Variants in RUFY3 observed in about 807,000 individuals in gnomAD.
RUFY3 encodes RUN and FYVE domain containing 3.
In RUFY3, 34 loss-of-function variants were observed where a neutral mutation model predicts 84.0. The observed-to-expected ratio is 0.40, with a 90% CI of 0.31 to 0.54. The LOEUF (loss-of-function observed/expected upper bound fraction) is 0.54. RUFY3 is among the 20% of genes least tolerant of loss of function. The probability of loss-of-function intolerance (pLI) is 0.39; values close to 1 mark genes in which losing one functional copy is unlikely to be tolerated. For synonymous variants in RUFY3, 242 were observed against 252.9 expected (o/e 0.96, Z 0.41); for missense variants, 507 against 736.8 (o/e 0.69, Z 3.61).
In RUFY3 at chr4:70,764,292, G is replaced by A. The variant is rs573564262; in HGVS notation, c.471-183G>A. 9.5e-4 allele frequency among the ~76,000 whole-genome samples: 144 copies of A among 152,266 alleles called. 1 individual carries two copies. Among genetic ancestry groups the A allele is most frequent in the Middle Eastern group, 6.8e-3 (2 of 294 alleles). On this transcript the variant is annotated intron_variant, in intron 3 of 17. Transcript: ENST00000381006. The stretch of plus-strand genomic sequence containing the variant: ...AATTCTTTTTGAAAGCATTTGTTCC[G>A]GGTCACATTAGCCCACACACAAAAA...
At chr4:70,793,665 T>C in intron 12 of RUFY3, 120 bp from the exon 13 acceptor site, 1 of 1,567,374 alleles carries the variant, frequency 6.4e-7, no homozygotes, top group Non-Finnish European at 8.6e-7. Flanking sequence ...AAAGTTTTTT[T>C]CCTCTCTCTG....
intron 13 of RUFY3, 162 bp from the exon 14 acceptor site, chr4:70,794,633 C>CT (rs75296985): frequency 0.04 from 25,388 of 632,952 alleles, 1,464 homozygotes; most frequent in East Asian, 0.21. Flanking sequence ...CACAGTTAAG[C>CT]TTAGAAGTAG....
chr4:70,760,990 C>G (rs1361850808), intron 1 of RUFY3, among the ~76,000 whole-genome samples: 2 of 152,104 alleles, frequency 1.3e-5, no homozygotes, highest in Non-Finnish European at 2.9e-5. Flanking sequence ...AAATAAAAAC[C>G]TTGTATGAAG....
At chr4:70,719,566 T>TA (rs1742032135), upstream of RUFY3, among the ~76,000 whole-genome samples, 2 of 152,336 alleles carry the variant, frequency 1.3e-5, no homozygotes, top group East Asian at 3.9e-4. Context: ...AGAGTTTTGA[T>TA]ATCACACATA....
At chr4:70,726,538 T>A (rs1309317790) in intron 1 of RUFY3, among the ~76,000 whole-genome samples, 1 of 152,108 alleles carries the variant, frequency 6.6e-6, no homozygotes, top group Non-Finnish European at 1.5e-5. Flanking sequence ...CACGCCCAGC[T>A]AATTTTGTAT....
intron 12 of RUFY3, chr4:70,793,551 A>G (rs1490406865): frequency 7.2e-7 from 1 of 1,386,912 alleles, no homozygotes. Flanking sequence ...AAAAAAATGG[A>G]AAATCAGCTT....
chr4:70,772,072 T>C (rs1032453076), intron 5 of RUFY3, among the ~76,000 whole-genome samples: 2 of 151,246 alleles, frequency 1.3e-5, no homozygotes, highest in Non-Finnish European at 1.5e-5. Context: ...ACCTTTTTTT[T>C]TTCTGCCTGG....
intron 1 of RUFY3, among the ~76,000 whole-genome samples, chr4:70,756,903 A>G (rs571637028): frequency 6.6e-6 from 1 of 152,172 alleles, no homozygotes; most frequent in Non-Finnish European, 1.5e-5. Flanking sequence ...AATGACATCA[A>G]TTATCTTAGT....
At chr4:70,760,961 T>A (rs1421768236) in intron 1 of RUFY3, among the ~76,000 whole-genome samples, 1 of 152,248 alleles carries the variant, frequency 6.6e-6, no homozygotes, top group Non-Finnish European at 1.5e-5. Context: ...TCTGCTCATT[T>A]AACTTTGAAA....
chr4:70,707,299 C>T (rs1740446128), intron 1 of RUFY3, among the ~76,000 whole-genome samples: 1 of 152,196 alleles, frequency 6.6e-6, no homozygotes, highest in Non-Finnish European at 1.5e-5. Context: ...CGCTCTGTCG[C>T]CCAGGCTGGA....
chr4:70,774,790 T>C (rs1727646374), intron 6 of RUFY3, among the ~76,000 whole-genome samples: 1 of 151,154 alleles, frequency 6.6e-6, no homozygotes, highest in Non-Finnish European at 1.5e-5. Flanking sequence ...GTGAGCTTAA[T>C]TCAAGTCCTA....
At chr4:70,746,094 A>G (rs886970201) in intron 1 of RUFY3, among the ~76,000 whole-genome samples, 2 of 152,090 alleles carry the variant, frequency 1.3e-5, no homozygotes, top group African/African-American at 4.8e-5. Flanking sequence ...CTGTAATCCT[A>G]GCACTTTGGG....
intron 17 of RUFY3, 69 bp downstream of exon 17, chr4:70,804,485 G>A: frequency 7.5e-7 from 1 of 1,336,574 alleles, no homozygotes. Flanking sequence ...CCCTCCCCAG[G>A]AGTAACAGGG....
At chr4:70,748,630 T>C (rs1350954928) in intron 1 of RUFY3, among the ~76,000 whole-genome samples, 1 of 152,160 alleles carries the variant, frequency 6.6e-6, no homozygotes, top group Admixed American at 6.5e-5. Flanking sequence ...ACTTTATTAC[T>C]CATGACAGTG....
At chr4:70,741,662 A>G (rs1381943941) in intron 1 of RUFY3, 1 of 1,521,688 alleles carries the variant, frequency 6.6e-7, no homozygotes, top group Non-Finnish European at 8.8e-7. Context: ...GGTGGAGCAA[A>G]TGCGCGATGA....
intron 1 of RUFY3, among the ~76,000 whole-genome samples, chr4:70,730,842 A>G (rs1719137640): frequency 6.6e-6 from 1 of 152,200 alleles, no homozygotes; most frequent in African/African-American, 2.4e-5. Flanking sequence ...CCCATACACA[A>G]CACTCCTGTC....
intron 15 of RUFY3, among the ~76,000 whole-genome samples, chr4:70,801,869 C>G (rs925286286): frequency 6.6e-6 from 1 of 152,220 alleles, no homozygotes; most frequent in Non-Finnish European, 1.5e-5. Flanking sequence ...AGGTGCCTTT[C>G]AGGGTCAGCC....
At chr4:70,750,136 C>T (rs937455272) in intron 1 of RUFY3, among the ~76,000 whole-genome samples, 9 of 152,024 alleles carry the variant, frequency 5.9e-5, no homozygotes, top group East Asian at 1.9e-4. Flanking sequence ...ACCTCAGCCC[C>T]GAGTAGCTAG....
intron 1 of RUFY3, among the ~76,000 whole-genome samples, chr4:70,745,545 A>G (rs567755202): frequency 1.6e-4 from 25 of 152,332 alleles, no homozygotes; most frequent in African/African-American, 5.8e-4. Context: ...GTAAATTTGC[A>G]GTGGCCCAGA....
Sources: allele counts gnomAD v4.1 joint callset (sites outside exome capture counted in the v4.1 genomes callset), GRCh38; gene constraint gnomAD v4.1.1; transcripts MANE v1.5; gene names NCBI Gene and HGNC (gene_info 2026-07-23, HGNC 2026-07-21).